Variants in STAMBP observed in about 807,000 individuals in gnomAD.
STAMBP encodes the protein STAM-binding protein.
In STAMBP, 31 loss-of-function variants were observed where a neutral mutation model predicts 50.7. The ratio of observed to expected loss-of-function variants is 0.61; its 90% CI spans 0.46 to 0.83. STAMBP has a LOEUF of 0.83. Among genes scored for constraint, STAMBP ranks in the 40% least tolerant of loss-of-function variants. The probability of loss-of-function intolerance (pLI) is 0.00; values close to 1 mark genes in which losing one functional copy is unlikely to be tolerated. For missense variants in STAMBP, 472 were observed against 518.9 expected (o/e 0.91, Z 0.88); for synonymous variants, 211 against 192.4 (o/e 1.10, Z -0.80).
At chr2:73,839,206 TC>T (rs1274184119) in intron 2 of STAMBP, among the ~76,000 whole-genome samples, 2 of 152,124 alleles carry the variant, frequency 1.3e-5, no homozygotes, top group African/African-American at 4.8e-5. Context: ...CAGGCATATT[TC>T]CCCCCTCAGT....
rs557298208 is a variant in STAMBP at position 73,833,164 on chromosome 2, C to G, written c.203+2105C>G. Among the ~76,000 whole-genome samples, 4 of 152,340 alleles carry G rather than the reference C, an allele frequency of 2.6e-5. No individual in the cohort carries two copies. The East Asian group carries it at 7.7e-4, about 29-fold the overall frequency. ...TTTGCCTTATTTGGTCATGTTTTGG[C>G]AGGCTTTAGCCTCCAATTGGCTGGA... is the stretch of plus-strand genomic sequence containing the variant. On this transcript the variant is annotated intron_variant, in intron 2 of 9. Coordinates refer to ENST00000394070, the MANE Select transcript of STAMBP (RefSeq NM_213622.4).
chr2:73,867,080 A>G lies in STAMBP; in HGVS notation c.*4821A>G, dbSNP rs1425439170. ...TAAAGTATACTCCTTGAGAACAGCA[A>G]CTTTGTCTTTTTCACCTTTGTACTG... On this transcript the variant is annotated 3_prime_UTR_variant, in exon 10 of 10. Transcript: ENST00000394070. 1 of 152,216 alleles carries G rather than the reference A, an allele frequency of 6.6e-6. No individual in the cohort carries two copies. Among genetic ancestry groups the G allele is most frequent in the East Asian group, 1.9e-4 (1 of 5,204 alleles). 9.4% of individuals were successfully genotyped at this position (152,216 alleles called of 1,614,324 possible). A position where few individuals can be genotyped will look rare whatever the true frequency, so the allele number is the denominator to read the frequency against.
chr2:73,858,092 C>T (rs1257089899), intron 7 of STAMBP, among the ~76,000 whole-genome samples: 5 of 151,854 alleles, frequency 3.3e-5, no homozygotes, highest in African/African-American at 1.2e-4. Flanking sequence ...ATGCTCTTCT[C>T]CTGCCTCAAC....
At chr2:73,871,038 G>A (rs1364272420), downstream of STAMBP, among the ~76,000 whole-genome samples, 6 of 152,190 alleles carry the variant, frequency 3.9e-5, no homozygotes, top group East Asian at 9.7e-4. Context: ...CCAAAGCGCT[G>A]GGATTACAGG....
intron 7 of STAMBP, among the ~76,000 whole-genome samples, chr2:73,855,288 T>C (rs1341998943): frequency 6.6e-6 from 1 of 152,202 alleles, no homozygotes; most frequent in Non-Finnish European, 1.5e-5. Context: ...TTTCTGCTCC[T>C]TCGGTATATT....
downstream of STAMBP, among the ~76,000 whole-genome samples, chr2:73,871,414 G>T (rs1481745839): frequency 4.6e-5 from 7 of 151,966 alleles, 1 homozygote; most frequent in Middle Eastern, 6.3e-3. Context: ...CAGGCGTGGT[G>T]GTGGGTGCCT....
downstream of STAMBP, among the ~76,000 whole-genome samples, chr2:73,872,020 G>A (rs548760627): frequency 2.0e-5 from 3 of 152,072 alleles, no homozygotes; most frequent in Middle Eastern, 3.4e-3. Context: ...GGATCCACCC[G>A]CCTAGACCTC....
At chr2:73,858,600 C>T (rs1452544314) in intron 7 of STAMBP, among the ~76,000 whole-genome samples, 1 of 152,108 alleles carries the variant, frequency 6.6e-6, no homozygotes, top group African/African-American at 2.4e-5. Context: ...CTCTCTTAAG[C>T]AGTTTTCAAG....
downstream of STAMBP, among the ~76,000 whole-genome samples, chr2:73,868,215 T>G (rs1258384448): frequency 6.6e-6 from 1 of 151,836 alleles, no homozygotes; most frequent in Non-Finnish European, 1.5e-5. Context: ...CACACACACT[T>G]CACATCAAAA....
chr2:73,872,745 C>T (rs1679250597), intron 10 of STAMBP, among the ~76,000 whole-genome samples: 1 of 152,194 alleles, frequency 6.6e-6, no homozygotes, highest in Admixed American at 6.5e-5. Flanking sequence ...ATTCAAGTCC[C>T]ACAGGACTCT....
intron 7 of STAMBP, among the ~76,000 whole-genome samples, chr2:73,854,243 T>C (rs1677253793): frequency 6.6e-6 from 1 of 152,186 alleles, no homozygotes; most frequent in African/African-American, 2.4e-5. Flanking sequence ...GGAAACACGT[T>C]TTAGACAATC....
In STAMBP at chr2:73,833,038, G is replaced by A. The variant is rs72915486; in HGVS notation, c.203+1979G>A. On this transcript the variant is annotated intron_variant, in intron 2 of 9. Transcript: ENST00000394070. ...GGGAACACTCAGGACCAAAAGTGGTGCAGAATGTTCCACCCCATAGTGGAG... is the reference window on the plus strand; with the variant it reads ...GGGAACACTCAGGACCAAAAGTGGTACAGAATGTTCCACCCCATAGTGGAG... 1.9e-3 allele frequency among the ~76,000 whole-genome samples: 286 copies of A among 152,332 alleles called. 1 individual carries two copies. The highest frequency in any genetic ancestry group is 6.6e-3 in the African/African-American group (273 of 41,576).
intron 2 of STAMBP, among the ~76,000 whole-genome samples, chr2:73,842,120 G>A (rs1675470027): frequency 6.6e-6 from 1 of 152,052 alleles, no homozygotes; most frequent in Admixed American, 6.5e-5. Context: ...CTGTTTCTTT[G>A]TATACTTACA....
At position 73,830,905 on chromosome 2, in the gene STAMBP, G is replaced by C. The variant is rs1264087605; in HGVS notation, c.49G>C (p.Ala17Pro). 1.9e-6 allele frequency: 3 copies of C among 1,613,942 alleles called. No individual in the cohort carries two copies. Among genetic ancestry groups the C allele is most frequent in the Non-Finnish European group, 2.5e-6 (3 of 1,180,034 alleles). Residue 17 changes from alanine (A) to proline (P), a missense_variant, in exon 2 of 10, where the codon GCT (alanine) becomes CCT (proline). Transcript: ENST00000394070. ...VSLPPEDRVR[A>P]LSQLGSAVEV... ...CCTCCCGCCCGAAGACCGGGTGAGG[G>C]CTCTCTCCCAGCTGGGTAGTGCGGT...
chr2:73,852,388 T>G (rs1676938814), intron 7 of STAMBP, among the ~76,000 whole-genome samples: 1 of 152,122 alleles, frequency 6.6e-6, no homozygotes, highest in Admixed American at 6.5e-5. Context: ...TTTCAGGTAT[T>G]GATGAGATAT....
At position 73,844,803 on chromosome 2, in the gene STAMBP, G is replaced by A; in HGVS notation, c.204-10G>A. On this transcript the variant is annotated splice_polypyrimidine_tract_variant and intron_variant, in intron 2 of 9. Coordinates refer to ENST00000394070, the MANE Select transcript of STAMBP (RefSeq NM_213622.4). ...ATTTGCTTCATAATCATTTTGAACT[G>A]TTTCCTTAGGCTCTTTATTGAGAAA... 1 of 1,611,464 alleles carries A rather than the reference G, an allele frequency of 6.2e-7. No homozygotes were observed. The highest frequency in any genetic ancestry group is 8.5e-7 in the Non-Finnish European group (1 of 1,177,924).
chr2:73,838,566 C>G (rs1249746501), intron 2 of STAMBP, among the ~76,000 whole-genome samples: 1 of 152,272 alleles, frequency 6.6e-6, no homozygotes, highest in African/African-American at 2.4e-5. Context: ...CTTAGCTGTA[C>G]TAATAAACTC....
intron 2 of STAMBP, among the ~76,000 whole-genome samples, chr2:73,839,806 A>G (rs1675154877): frequency 1.3e-5 from 2 of 152,220 alleles, no homozygotes; most frequent in Non-Finnish European, 2.9e-5. Context: ...TTAAAGCATC[A>G]ATGGGATCTT....
At chr2:73,830,247 A>T (rs1673731434) in intron 1 of STAMBP, among the ~76,000 whole-genome samples, 1 of 152,216 alleles carries the variant, frequency 6.6e-6, no homozygotes, top group South Asian at 2.1e-4. Flanking sequence ...TTATAGATTG[A>T]CTATAGTGGT....
Sources: allele counts gnomAD v4.1 joint callset (sites outside exome capture counted in the v4.1 genomes callset), GRCh38; gene constraint gnomAD v4.1.1; transcripts MANE v1.5; gene names NCBI Gene and HGNC (gene_info 2026-07-23, HGNC 2026-07-21).